KCNN2: variants seen among roughly 807,000 people sequenced by gnomAD.
KCNN2 encodes small conductance calcium-activated potassium channel protein 2.
Under a neutral mutation model 55.5 loss-of-function variants are expected in KCNN2, and 24 were observed. The ratio of observed to expected loss-of-function variants is 0.43; its 90% confidence interval spans 0.31 to 0.61. The LOEUF (loss-of-function observed/expected upper bound fraction) is 0.61, where lower values mean the gene tolerates loss of function less well. Ranked by LOEUF, KCNN2 falls within the 20% of genes least tolerant of loss-of-function variation. The pLI is 0.08. For missense variants in KCNN2, 754 were observed against 853.6 expected (o/e 0.88, Z 1.45); for synonymous variants, 431 against 336.1 (o/e 1.28, Z -3.09).
intron 2 of KCNN2, among the ~76,000 whole-genome samples, chr5:114,232,631 A>G (rs1754385066): frequency 6.7e-6 from 1 of 148,282 alleles, no homozygotes; most frequent in African/African-American, 2.6e-5. Flanking sequence ...TCTTTTGATG[A>G]TCTCTTTTTT....
At chr5:114,442,534 A>T (rs1464321940) in intron 3 of KCNN2, among the ~76,000 whole-genome samples, 6 of 152,144 alleles carry the variant, frequency 3.9e-5, no homozygotes, top group African/African-American at 1.4e-4. Flanking sequence ...AGCTGCTCCC[A>T]TGCTTCTGTC....
intron 1 of KCNN2, among the ~76,000 whole-genome samples, chr5:114,091,930 G>A (rs1164384349): frequency 6.6e-6 from 1 of 152,196 alleles, no homozygotes; most frequent in Non-Finnish European, 1.5e-5. Context: ...TTTAGGTGGG[G>A]ACACAAAGCC....
At chr5:114,276,975 C>A (rs543545820) in intron 2 of KCNN2, among the ~76,000 whole-genome samples, 5 of 151,910 alleles carry the variant, frequency 3.3e-5, no homozygotes, top group African/African-American at 9.7e-5. Flanking sequence ...CAGTGGCTAC[C>A]GGTTGTTCCT....
At chr5:114,318,111 C>G (rs1045696767) in intron 2 of KCNN2, among the ~76,000 whole-genome samples, 16 of 152,160 alleles carry the variant, frequency 1.1e-4, no homozygotes, top group African/African-American at 3.9e-4. Context: ...TGACACTGTC[C>G]TACTCATCTC....
At chr5:114,161,768 A>G (rs1214889644) in intron 1 of KCNN2, among the ~76,000 whole-genome samples, 4 of 152,088 alleles carry the variant, frequency 2.6e-5, no homozygotes, top group African/African-American at 7.2e-5. Context: ...TCCATCGCCT[A>G]TACCCTTTCT....
intron 3 of KCNN2, among the ~76,000 whole-genome samples, chr5:114,461,324 G>C (rs1364510557): frequency 6.6e-6 from 1 of 152,310 alleles, no homozygotes; most frequent in East Asian, 1.9e-4. Flanking sequence ...TCTGGGGAGA[G>C]GGGACTTTAC....
chr5:114,343,788 ATAGAG>A (rs1253634875), intron 2 of KCNN2, among the ~76,000 whole-genome samples: 1 of 152,124 alleles, frequency 6.6e-6, no homozygotes, highest in South Asian at 2.1e-4. Flanking sequence ...CCTATGGTGG[ATAGAG>A]TATTTATACC....
chr5:114,334,873 C>A (rs533465822), intron 2 of KCNN2, among the ~76,000 whole-genome samples: 1 of 152,206 alleles, frequency 6.6e-6, no homozygotes, highest in African/African-American at 2.4e-5. Flanking sequence ...GGGACAAATG[C>A]CCTGAAATTC....
At chr5:114,452,026 G>C (rs1760716648) in intron 3 of KCNN2, among the ~76,000 whole-genome samples, 1 of 152,038 alleles carries the variant, frequency 6.6e-6, no homozygotes, top group African/African-American at 2.4e-5. Flanking sequence ...AAGGAAGTCT[G>C]TATTGAAATC....
rs796232045 is a variant in KCNN2, at chr5:114,315,463, GTGTATATA to G, written c.-184-45480_-184-45473del. Among the ~76,000 whole-genome samples the G allele has an allele frequency of 6.5e-3, 310 of 47,984 alleles. 4 individuals carry two copies. In the South Asian group the frequency reaches 0.097, roughly 15 times the overall value. The allele number at this position is 47,984 out of a possible 152,430, so 31.5% of individuals were successfully genotyped here. A position where few individuals can be genotyped will look rare whatever the true frequency, so the allele number is the denominator to read the frequency against. ...TGTGTGTGTGTGTGTGTGTGTGTGTGTGTATATATATATAAAACTTCTGTTTTAAAAGT... is the reference window on the plus strand; with the variant it reads ...TGTGTGTGTGTGTGTGTGTGTGTGTGTATATAAAACTTCTGTTTTAAAAGT... On this transcript the variant is annotated intron_variant, in intron 2 of 10. Coordinates refer to the KCNN2 transcript ENST00000512097.
intron 1 of KCNN2, among the ~76,000 whole-genome samples, chr5:114,202,729 G>A (rs1200182054): frequency 1.3e-5 from 2 of 151,350 alleles, no homozygotes; most frequent in Non-Finnish European, 1.5e-5. Flanking sequence ...TGGGACTACA[G>A]GCGCCTGCCA....
chr5:114,164,243 G>A (rs1400318510), intron 1 of KCNN2, among the ~76,000 whole-genome samples: 3 of 152,286 alleles, frequency 2.0e-5, no homozygotes, highest in African/African-American at 7.2e-5. Flanking sequence ...TATTTTTAAT[G>A]TGCATTAGGA....
chr5:114,152,674 A>T (rs193167001), intron 1 of KCNN2, among the ~76,000 whole-genome samples: 2 of 152,274 alleles, frequency 1.3e-5, no homozygotes, highest in East Asian at 3.9e-4. Flanking sequence ...CTGGTGGGGA[A>T]ACAAAGACAT....
intron 1 of KCNN2, among the ~76,000 whole-genome samples, chr5:114,134,944 T>C (rs1308652206): frequency 6.6e-6 from 1 of 152,224 alleles, no homozygotes; most frequent in Non-Finnish European, 1.5e-5. Context: ...AGATAGGGCA[T>C]GAACCCATGT....
At chr5:114,158,801 G>A (rs1414649443) in intron 1 of KCNN2, among the ~76,000 whole-genome samples, 1 of 151,808 alleles carries the variant, frequency 6.6e-6, no homozygotes, top group Admixed American at 6.6e-5. Flanking sequence ...TTGGCTCTCT[G>A]TTTGTCTGTT....
At chr5:114,210,189 T>C (rs1171633136) in intron 1 of KCNN2, among the ~76,000 whole-genome samples, 1 of 152,168 alleles carries the variant, frequency 6.6e-6, no homozygotes, top group Admixed American at 6.5e-5. Context: ...GCTAGAAGGC[T>C]GTGATATGCC....
chr5:114,132,619 A>G (rs1332507009), intron 1 of KCNN2, among the ~76,000 whole-genome samples: 1 of 152,246 alleles, frequency 6.6e-6, no homozygotes, highest in Non-Finnish European at 1.5e-5. Context: ...TTAAAGAAGC[A>G]TAGACTCTAA....
chr5:114,396,610 G>A (rs984660789), intron 2 of KCNN2, among the ~76,000 whole-genome samples: 26 of 150,288 alleles, frequency 1.7e-4, no homozygotes, highest in Admixed American at 6.6e-4. Flanking sequence ...GTGCACTGGC[G>A]CGATCTCGAC....
chr5:114,369,452 T>G (rs1757699211), intron 2 of KCNN2, among the ~76,000 whole-genome samples: 1 of 152,142 alleles, frequency 6.6e-6, no homozygotes, highest in Admixed American at 6.5e-5. Flanking sequence ...GTAGAAGAAA[T>G]TATCTTGGAT....
Sources: allele counts gnomAD v4.1 joint callset (sites outside exome capture counted in the v4.1 genomes callset), GRCh38; gene constraint gnomAD v4.1.1; transcripts MANE v1.5; gene names NCBI Gene and HGNC (gene_info 2026-07-23, HGNC 2026-07-21).